SCN8A: variants seen among roughly 807,000 people sequenced by gnomAD.
SCN8A encodes the protein sodium channel protein type 8 subunit alpha.
SCN8A carries 30 observed loss-of-function variants against 184.1 expected under a neutral mutation model. The observed-to-expected ratio is 0.16, with a 90% CI of 0.12 to 0.22. The LOEUF is 0.22. SCN8A is among the 10% of genes least tolerant of loss of function. The pLI is 1.00. For missense variants in SCN8A, 1,057 were observed against 2,498.9 expected, an observed-to-expected ratio of 0.42 and a Z score of 12.30; for synonymous variants, 852 against 907.0, an observed-to-expected ratio of 0.94 and a Z score of 1.09.
chr12:51,647,913 G>A (rs1344374171), intron 1 of SCN8A, among the ~76,000 whole-genome samples: 1 of 152,162 alleles, frequency 6.6e-6, no homozygotes. Flanking sequence ...ATATCAACAT[G>A]CAAAGAGCTG....
At chr12:51,789,224 C>T (rs1019486677) in intron 23 of SCN8A, 57 bp from the exon 24 acceptor site, 34 of 1,590,150 alleles carry the variant, frequency 2.1e-5, no homozygotes, top group South Asian at 7.9e-5. Flanking sequence ...ATGGCCTTGG[C>T]GTGTCAAACT....
rs938674707 is a variant in SCN8A, at chr12:51,601,855, G to GTT, written c.-55+10520_-55+10521dup. On this transcript the variant is annotated intron_variant, in intron 1 of 26. Transcript: ENST00000627620. ...GCCAAGGGTGGTGCTCAGAGAAAGG[G>GTT]TTTTTTTTTTTTTTTTTTTTTTTTT... Among the ~76,000 whole-genome samples, 723 of 109,716 alleles carry GTT rather than the reference G, an allele frequency of 6.6e-3. 12 individuals are homozygous for GTT. The highest frequency in any genetic ancestry group is 0.021 in the African/African-American group (586 of 27,538). The allele number at this position is 109,716 out of a possible 152,430, so 72.0% of individuals were successfully genotyped here. A position where few individuals can be genotyped will look rare whatever the true frequency, so the allele number is the denominator to read the frequency against.
chr12:51,667,794 T>C (rs1020457579), intron 2 of SCN8A, among the ~76,000 whole-genome samples: 1 of 152,220 alleles, frequency 6.6e-6, no homozygotes, highest in Non-Finnish European at 1.5e-5. Flanking sequence ...CTTTTTTGTT[T>C]AATGGGTATA....
intron 6 of SCN8A, among the ~76,000 whole-genome samples, chr12:51,698,280 A>G (rs10783470): frequency 0.83 from 126,885 of 152,212 alleles, 53,938 homozygotes; most frequent in East Asian, 0.97. Context: ...GTATTGCGTA[A>G]GTCAGACAAG....
At chr12:51,729,022 T>C (rs538841320) in intron 12 of SCN8A, among the ~76,000 whole-genome samples, 25 of 152,238 alleles carry the variant, frequency 1.6e-4, no homozygotes, top group Admixed American at 3.9e-4. Flanking sequence ...ATGGCAGTTA[T>C]GGTGGCGGAC....
In SCN8A at chr12:51,801,931, T is replaced by A. The variant is rs573634530; in HGVS notation, c.4796-4351T>A. The stretch of plus-strand genomic sequence containing the variant: ...TTAGCCGGGCATGGTGGCATGCACC[T>A]GTAACCCCAGCTACTCCGGAGGCTG... On this transcript the variant is annotated intron_variant, in intron 26 of 26. Transcript: ENST00000627620. Among the ~76,000 whole-genome samples, 8 of 152,268 alleles carry A rather than the reference T, an allele frequency of 5.3e-5. No homozygotes were observed. In the East Asian group the frequency reaches 1.4e-3, roughly 26 times the overall value.
At chr12:51,767,588 G>A (rs2138865757) in intron 16 of SCN8A, among the ~76,000 whole-genome samples, 1 of 152,190 alleles carries the variant, frequency 6.6e-6, no homozygotes, top group South Asian at 2.1e-4. Context: ...GTGGTCTCAA[G>A]ACCACCTGCA....
intron 1 of SCN8A, among the ~76,000 whole-genome samples, chr12:51,657,736 C>T (rs997586677): frequency 6.6e-6 from 1 of 152,012 alleles, no homozygotes; most frequent in African/African-American, 2.4e-5. Context: ...CCTATGTTTT[C>T]TTCTAGTAGT....
chr12:51,664,217 T>C (rs895158950), intron 2 of SCN8A, among the ~76,000 whole-genome samples: 1 of 151,820 alleles, frequency 6.6e-6, no homozygotes, highest in Non-Finnish European at 1.5e-5. Flanking sequence ...ATTTACTTTT[T>C]TTTTTTTTGA....
At chr12:51,765,187 A>T (rs1942819747) in intron 15 of SCN8A, among the ~76,000 whole-genome samples, 1 of 152,094 alleles carries the variant, frequency 6.6e-6, no homozygotes, top group Middle Eastern at 3.4e-3. Flanking sequence ...TTTTTTAATC[A>T]GCCATTGATT....
At chr12:51,686,553 A>T (rs553715296) in intron 4 of SCN8A, 96 bp downstream of exon 4, 31 of 770,724 alleles carry the variant, frequency 4.0e-5, no homozygotes, top group East Asian at 3.8e-4. Flanking sequence ...GAGAAAAAAA[A>T]TTAGTTATTG....
chr12:51,619,453 G>A (rs1939915078), intron 1 of SCN8A, among the ~76,000 whole-genome samples: 1 of 152,160 alleles, frequency 6.6e-6, no homozygotes, highest in Admixed American at 6.6e-5. Context: ...CTGGGCTAAT[G>A]ATGTGTGTCC....
At chr12:51,594,051 G>C (rs1473462869) in intron 1 of SCN8A, among the ~76,000 whole-genome samples, 2 of 152,158 alleles carry the variant, frequency 1.3e-5, no homozygotes, top group Admixed American at 1.3e-4. Context: ...TGACACAGCA[G>C]AGGTCAGTAT....
intron 22 of SCN8A, among the ~76,000 whole-genome samples, chr12:51,787,318 A>G (rs549076391): frequency 2.0e-4 from 30 of 152,346 alleles, no homozygotes; most frequent in African/African-American, 7.2e-4. Flanking sequence ...AGATTAATGT[A>G]TCACAGTAAG....
chr12:51,687,052 T>G, intron 4 of SCN8A, 39 bp from the exon 5 acceptor site: 1 of 1,611,324 alleles, frequency 6.2e-7, no homozygotes, highest in Non-Finnish European at 8.5e-7. Flanking sequence ...TTAAAGTTTC[T>G]GTCCAGAAAT....
At chr12:51,733,577 G>C (rs1400830059) in intron 12 of SCN8A, among the ~76,000 whole-genome samples, 1 of 152,012 alleles carries the variant, frequency 6.6e-6, no homozygotes, top group Non-Finnish European at 1.5e-5. Flanking sequence ...AGTAATACTG[G>C]CCTCATAGAA....
chr12:51,722,241 C>T (rs534231038), intron 12 of SCN8A: 2 of 438,158 alleles, frequency 4.6e-6, no homozygotes, highest in East Asian at 8.6e-5. Context: ...TTTTCTTTCT[C>T]TCCATCTTTA....
rs1038088907 is a variant in SCN8A, at chr12:51,713,276, C to G, written c.1635+6561C>G. The G allele has an allele frequency of 4.3e-6, 5 of 1,156,456 alleles. No individual in the cohort carries two copies. The African/African-American group carries it at 6.0e-5, about 14-fold the overall frequency. 71.6% of individuals were successfully genotyped at this position (1,156,456 alleles called of 1,614,324 possible). ...GGCTTCACAGAATCCTCTCTAGAAA[C>G]AGCTCTCTTTGGTTCCACTACATGC... On this transcript the variant is annotated intron_variant, in intron 11 of 26. Coordinates refer to ENST00000627620, the MANE Select transcript of SCN8A (RefSeq NM_001330260.2).
intron 13 of SCN8A, among the ~76,000 whole-genome samples, chr12:51,746,439 C>T (rs895714774): frequency 9.9e-5 from 15 of 152,154 alleles, no homozygotes; most frequent in South Asian, 2.1e-4. Flanking sequence ...ACATACCTTC[C>T]TTTTTCCTTT....
Sources: allele counts gnomAD v4.1 joint callset (sites outside exome capture counted in the v4.1 genomes callset), GRCh38; gene constraint gnomAD v4.1.1; transcripts MANE v1.5; gene names NCBI Gene and HGNC (gene_info 2026-07-23, HGNC 2026-07-21).